Variants in GRB2 observed in about 807,000 individuals in gnomAD.
GRB2 encodes growth factor receptor bound protein 2.
Under a neutral mutation model 27.4 loss-of-function variants are expected in GRB2, and 2 were observed. That is an observed-to-expected ratio of 0.07 (90% CI 0.03 to 0.23). GRB2 has a LOEUF of 0.23. Ranked by LOEUF, GRB2 falls within the 10% of genes least tolerant of loss-of-function variation. The probability of loss-of-function intolerance (pLI) is 1.00; values close to 1 mark genes in which losing one functional copy is unlikely to be tolerated. For synonymous variants in GRB2, 94 were observed against 99.6 expected (o/e 0.94, Z 0.33); for missense variants, 102 against 282.4 (o/e 0.36, Z 4.58).
intron 3 of GRB2, chr17:75,326,341 C>T (rs962411749): frequency 6.6e-6 from 2 of 302,390 alleles, no homozygotes; most frequent in Admixed American, 4.5e-5. Context: ...ATGACAAAGG[C>T]GCCTGGGGAA....
intron 2 of GRB2, among the ~76,000 whole-genome samples, chr17:75,341,518 C>T (rs993168176): frequency 1.7e-4 from 25 of 149,598 alleles, no homozygotes; most frequent in African/African-American, 6.2e-4. Flanking sequence ...ACCTCCTGAC[C>T]CCTGGTGATG....
intron 2 of GRB2, among the ~76,000 whole-genome samples, chr17:75,358,792 G>A (rs1385686003): frequency 6.9e-6 from 1 of 145,874 alleles, no homozygotes; most frequent in Non-Finnish European, 1.5e-5. Flanking sequence ...GCTGAGGCAT[G>A]AGAATCACCT....
chr17:75,385,404 G>A (rs576494769), intron 2 of GRB2, among the ~76,000 whole-genome samples: 22 of 152,294 alleles, frequency 1.4e-4, no homozygotes, highest in African/African-American at 5.1e-4. Flanking sequence ...GGGCATGGTG[G>A]TAGATGCTTG....
At position 75,320,586 on chromosome 17, in the gene GRB2, C is replaced by T. The variant is rs1420018584; in HGVS notation, c.469-33G>A. ...ACAGGAGCAGGAAAAACCCACATTGCATTCCTGGTCTGTGACTGGCCACCT... is the reference window on the plus strand; with the variant it reads ...ACAGGAGCAGGAAAAACCCACATTGTATTCCTGGTCTGTGACTGGCCACCT... On this transcript the variant is annotated intron_variant, in intron 5 of 5. Transcript: ENST00000316804. The surrounding 1 kb of genome is among the most constrained non-coding windows in gnomAD (Gnocchi z 4.3). The T allele has an allele frequency of 2.5e-6, 4 of 1,580,364 alleles. No homozygotes were observed. Among genetic ancestry groups the T allele is most frequent in the Non-Finnish European group, 3.5e-6 (4 of 1,150,734 alleles).
chr17:75,352,154 C>T lies in GRB2; in HGVS notation c.79-19357G>A, dbSNP rs116143340. Among the ~76,000 whole-genome samples, 1,441 of 152,332 alleles carry T rather than the reference C, an allele frequency of 9.5e-3. 27 individuals carry two copies. The highest frequency in any genetic ancestry group is 0.048 in the South Asian group (234 of 4,828). Reference sequence around the variant, plus strand: ...TACCCAGGTCCTGGCCTCCTTCAGGCAGCTACACAGCTCAGGAGGAGCAGG... The same window carrying T: ...TACCCAGGTCCTGGCCTCCTTCAGGTAGCTACACAGCTCAGGAGGAGCAGG... On this transcript the variant is annotated intron_variant, in intron 2 of 5. Transcript: ENST00000316804.
intron 3 of GRB2, among the ~76,000 whole-genome samples, chr17:75,331,435 T>G (rs1218324417): frequency 1.3e-5 from 2 of 152,212 alleles, no homozygotes; most frequent in Admixed American, 1.3e-4. Context: ...GCCTTTCCTA[T>G]CTTTCCTCAA....
intron 2 of GRB2, among the ~76,000 whole-genome samples, chr17:75,376,556 T>C (rs2078895309): frequency 6.6e-6 from 1 of 151,508 alleles, no homozygotes; most frequent in South Asian, 2.1e-4. Context: ...AGCATGAACT[T>C]CTACTGATTG....
At chr17:75,380,787 C>T (rs2078923156) in intron 2 of GRB2, among the ~76,000 whole-genome samples, 1 of 152,146 alleles carries the variant, frequency 6.6e-6, no homozygotes, top group Non-Finnish European at 1.5e-5. Context: ...AAATGTGCGG[C>T]GGAAAAACTG....
At chr17:75,332,963 T>C (rs2078551047) in intron 2 of GRB2, among the ~76,000 whole-genome samples, 166 bp from the exon 3 acceptor site, 1 of 152,232 alleles carries the variant, frequency 6.6e-6, no homozygotes, top group Non-Finnish European at 1.5e-5. Context: ...ACCAGCATTA[T>C]GTTAAACTCT....
chr17:75,388,432 T>C (rs2145868960), intron 2 of GRB2, among the ~76,000 whole-genome samples: 1 of 152,086 alleles, frequency 6.6e-6, no homozygotes, highest in South Asian at 2.1e-4. Flanking sequence ...AAAGATTAAA[T>C]GCAATATTCT....
intron 2 of GRB2, among the ~76,000 whole-genome samples, chr17:75,348,464 C>T (rs2078668231): frequency 6.6e-6 from 1 of 152,126 alleles, no homozygotes; most frequent in Non-Finnish European, 1.5e-5. Flanking sequence ...TTGAATTGCA[C>T]TTTAGATATT....
At chr17:75,327,065 TA>T (rs2078503059) in intron 3 of GRB2, among the ~76,000 whole-genome samples, 2 of 138,544 alleles carry the variant, frequency 1.4e-5, no homozygotes, top group African/African-American at 4.9e-5. Context: ...CTAACTTACA[TA>T]TCTTTTCTTT....
intron 2 of GRB2, among the ~76,000 whole-genome samples, chr17:75,351,340 T>C (rs2078690982): frequency 6.6e-6 from 1 of 151,852 alleles, no homozygotes; most frequent in Non-Finnish European, 1.5e-5. Context: ...CTTCTCAAAG[T>C]GAAAAAATTA....
intron 2 of GRB2, among the ~76,000 whole-genome samples, chr17:75,379,582 T>C (rs920962529): frequency 1.3e-5 from 2 of 151,976 alleles, no homozygotes; most frequent in African/African-American, 2.4e-5. Context: ...TTATTTTTAG[T>C]AGAGACAGGG....
At position 75,320,984 on chromosome 17, in the gene GRB2, C is replaced by T. The variant is rs1220968869; in HGVS notation, c.469-431G>A. Among the ~76,000 whole-genome samples, 1 of 152,042 alleles carries T rather than the reference C, an allele frequency of 6.6e-6. No individual in the cohort carries two copies. The highest frequency in any genetic ancestry group is 6.6e-5 in the Admixed American group (1 of 15,238). On this transcript the variant is annotated intron_variant, in intron 5 of 5. Transcript: ENST00000316804. The surrounding 1 kb of genome is among the most constrained non-coding windows in gnomAD (Gnocchi z 4.3). ...AGGGGCTCTAACCGTAACTTACGACCAGGGCTCGAGGGACAGGAACGGGTG... is the reference window on the plus strand; with the variant it reads ...AGGGGCTCTAACCGTAACTTACGACTAGGGCTCGAGGGACAGGAACGGGTG...
At chr17:75,405,390 A>ACCCCGGGGCCGGTCCCGGTTC (rs933960116) in intron 1 of GRB2, 99 bp downstream of exon 1, 2 of 152,246 alleles carry the variant, frequency 1.3e-5, no homozygotes, top group Non-Finnish European at 2.9e-5. Context: ...CCCGACGCGA[A>ACCCCGGGGCCGGTCCCGGTTC]CCCCGGGGCC....
intron 4 of GRB2, among the ~76,000 whole-genome samples, chr17:75,324,535 T>TTTTTTTTTTTTTTTG (rs1491359485): frequency 1.2e-5 from 1 of 86,198 alleles, no homozygotes; most frequent in African/African-American, 3.8e-5. Context: ...TTTTTTTTTT[T>TTTTTTTTTTTTTTTG]GGAGACAGAG....
chr17:75,372,658 A>C (rs976468291), intron 2 of GRB2: 3 of 152,244 alleles, frequency 2.0e-5, no homozygotes, highest in Non-Finnish European at 4.4e-5. Context: ...AATACAACAG[A>C]GCCATTGGCC....
chr17:75,339,415 G>A (rs527914440), intron 2 of GRB2, among the ~76,000 whole-genome samples: 9 of 151,440 alleles, frequency 5.9e-5, no homozygotes, highest in Admixed American at 4.0e-4. Flanking sequence ...GGATGGTCTC[G>A]ATCACTTGAC....
Sources: gnomAD v4.1 joint callset for allele counts (sites outside exome capture counted in the v4.1 genomes callset) on GRCh38, gnomAD v4.1.1 for gene constraint, Gnocchi (gnomAD v3.1) non-coding constraint, MANE v1.5 for transcripts, NCBI Gene and HGNC (gene_info 2026-07-23, HGNC 2026-07-21) for gene names.